AFG1L: variants seen among roughly 807,000 people sequenced by gnomAD.
AFG1L encodes AFG1 like ATPase.
AFG1L carries 53 observed loss-of-function variants against 62.2 expected under a neutral mutation model. The observed-to-expected ratio is 0.85, with a 90% CI of 0.68 to 1.07. The LOEUF (loss-of-function observed/expected upper bound fraction) is 1.07. AFG1L is among the 50% of genes least tolerant of loss of function. The pLI is 0.00. For missense variants in AFG1L, 555 were observed against 590.5 expected (o/e 0.94, Z 0.62); for synonymous variants, 228 against 210.3 (o/e 1.08, Z -0.73).
At chr6:108,501,301 AT>A (rs1774190845) in intron 10 of AFG1L, among the ~76,000 whole-genome samples, 1 of 152,172 alleles carries the variant, frequency 6.6e-6, no homozygotes, top group African/African-American at 2.4e-5. Context: ...CCGAAGAGAA[AT>A]TTTTGATAGT....
chr6:108,355,548 C>T (rs1267347230), intron 3 of AFG1L, 106 bp from the exon 4 acceptor site: 10 of 538,184 alleles, frequency 1.9e-5, no homozygotes, highest in Non-Finnish European at 2.8e-5. Context: ...TCTTCAGCTT[C>T]CTAGCGGAAG....
intron 2 of AFG1L, among the ~76,000 whole-genome samples, chr6:108,338,118 C>G (rs1327064423): frequency 1.3e-5 from 2 of 152,094 alleles, no homozygotes; most frequent in African/African-American, 4.8e-5. Context: ...CCCGGGAGGT[C>G]AAACCTGAAG....
At chr6:108,506,388 T>C (rs1774422248) in intron 10 of AFG1L, among the ~76,000 whole-genome samples, 1 of 152,164 alleles carries the variant, frequency 6.6e-6, no homozygotes, top group South Asian at 2.1e-4. Flanking sequence ...TGTGTATCTT[T>C]TGTAGAGATG....
chr6:108,477,247 C>CT lies in AFG1L; in HGVS notation c.1018dup (p.Cys340LeufsTer10). 1 of 1,610,552 alleles carries CT rather than the reference C, an allele frequency of 6.2e-7. No homozygotes were observed. The highest frequency in any genetic ancestry group is 8.5e-7 in the Non-Finnish European group (1 of 1,177,426). Reference sequence around the variant, plus strand: ...GCAGAGAGCTGCGCCTGAATAAAGCCTGTGGAACCGTTGCCGACTGCACAT... The same window carrying CT: ...GCAGAGAGCTGCGCCTGAATAAAGCCTTGTGGAACCGTTGCCGACTGCACAT... On this transcript the variant is annotated frameshift_variant, in exon 10 of 13. Transcript: ENST00000368977. LOFTEE classifies it high-confidence loss of function.
intron 6 of AFG1L, among the ~76,000 whole-genome samples, chr6:108,390,516 T>C (rs1406599054): frequency 6.6e-6 from 1 of 152,208 alleles, no homozygotes; most frequent in Non-Finnish European, 1.5e-5. Context: ...CTTTGGTCTT[T>C]GATGATGGTG....
chr6:108,348,258 T>C (rs1460309648), intron 3 of AFG1L, among the ~76,000 whole-genome samples: 1 of 152,178 alleles, frequency 6.6e-6, no homozygotes, highest in African/African-American at 2.4e-5. Context: ...TTTTGTATTT[T>C]TAGTAGAGAC....
chr6:108,339,671 G>A (rs1255636630), intron 2 of AFG1L, among the ~76,000 whole-genome samples: 1 of 151,964 alleles, frequency 6.6e-6, no homozygotes, highest in African/African-American at 2.4e-5. Flanking sequence ...TGTTGGCTAG[G>A]CTGGTTTCGA....
intron 8 of AFG1L, among the ~76,000 whole-genome samples, chr6:108,449,751 C>T (rs569718707): frequency 6.6e-6 from 1 of 152,108 alleles, no homozygotes; most frequent in Non-Finnish European, 1.5e-5. Context: ...TCCCTTCCCC[C>T]TCTCCCCACC....
intron 1 of AFG1L, among the ~76,000 whole-genome samples, chr6:108,305,124 A>T (rs1476540656): frequency 6.6e-6 from 1 of 152,348 alleles, no homozygotes; most frequent in East Asian, 1.9e-4. Context: ...GAGGTGGTGG[A>T]TTCTAGTCAG....
chr6:108,477,191 G>A lies in AFG1L; in HGVS notation c.962-1G>A. On this transcript the variant is annotated splice_acceptor_variant, in intron 9 of 12. Coordinates refer to ENST00000368977, the MANE Select transcript of AFG1L (RefSeq NM_145315.5). LOFTEE classifies it high-confidence loss of function. ...TTGAGTCTTTGTTCATGTTCCCATA[G>A]TAACTAGACCAAGGATTCTAAAAGT... 6.3e-7 allele frequency: 1 copy of A among 1,582,922 alleles called. No homozygotes were observed. The highest frequency in any genetic ancestry group is 8.6e-7 in the Non-Finnish European group (1 of 1,161,230).
At chr6:108,480,913 A>G (rs1178537404) in intron 10 of AFG1L, among the ~76,000 whole-genome samples, 2 of 152,258 alleles carry the variant, frequency 1.3e-5, no homozygotes, top group African/African-American at 4.8e-5. Context: ...AATGGGGAAC[A>G]GACATCCTCC....
At chr6:108,452,560 A>G (rs1368629496) in intron 8 of AFG1L, among the ~76,000 whole-genome samples, 1 of 152,206 alleles carries the variant, frequency 6.6e-6, no homozygotes, top group Non-Finnish European at 1.5e-5. Context: ...AAACTGAACC[A>G]AAAGGGATGG....
intron 2 of AFG1L, among the ~76,000 whole-genome samples, chr6:108,327,696 G>A (rs941810649): frequency 6.6e-6 from 1 of 152,208 alleles, no homozygotes; most frequent in Non-Finnish European, 1.5e-5. Flanking sequence ...TTGGGGTGAT[G>A]CAAGCATTGA....
At chr6:108,399,335 G>A (rs979622178) in intron 6 of AFG1L, among the ~76,000 whole-genome samples, 10 of 151,652 alleles carry the variant, frequency 6.6e-5, no homozygotes, top group South Asian at 2.1e-4. Flanking sequence ...CAACAGGTGC[G>A]TGCCACCACA....
intron 7 of AFG1L, among the ~76,000 whole-genome samples, chr6:108,439,708 T>G (rs1012349092): frequency 3.9e-4 from 60 of 152,234 alleles, no homozygotes; most frequent in African/African-American, 1.3e-3. Flanking sequence ...AAGTTATACT[T>G]AAATTATAAA....
chr6:108,493,269 A>G (rs1474527956), intron 10 of AFG1L, among the ~76,000 whole-genome samples: 2 of 152,234 alleles, frequency 1.3e-5, no homozygotes, highest in Non-Finnish European at 2.9e-5. Context: ...TGTGAGAACT[A>G]GGAGGAGAGT....
intron 11 of AFG1L, among the ~76,000 whole-genome samples, chr6:108,516,901 A>C (rs556132903): frequency 2.2e-4 from 34 of 152,324 alleles, no homozygotes; most frequent in African/African-American, 7.9e-4. Context: ...TCCCATTCAC[A>C]ATTGCTTCAA....
chr6:108,512,972 T>C (rs1413954063), intron 11 of AFG1L, among the ~76,000 whole-genome samples: 2 of 152,030 alleles, frequency 1.3e-5, no homozygotes, highest in Non-Finnish European at 2.9e-5. Context: ...TAAGAGGAGG[T>C]AGAAGGCCAT....
At chr6:108,519,021 A>G (rs1286488812) in intron 11 of AFG1L, among the ~76,000 whole-genome samples, 1 of 152,242 alleles carries the variant, frequency 6.6e-6, no homozygotes, top group Non-Finnish European at 1.5e-5. Context: ...TGGTGCTATA[A>G]CAAAATACCA....
Sources: gnomAD v4.1 joint callset for allele counts (sites outside exome capture counted in the v4.1 genomes callset) on GRCh38, gnomAD v4.1.1 for gene constraint, MANE v1.5 for transcripts, NCBI Gene and HGNC (gene_info 2026-07-23, HGNC 2026-07-21) for gene names.